Variants in CAMK4 observed in about 807,000 individuals in gnomAD.
The protein encoded by CAMK4 is calcium/calmodulin dependent protein kinase IV, also known as calcium/calmodulin-dependent protein kinase type IV.
Under a neutral mutation model 44.9 loss-of-function variants are expected in CAMK4, and 22 were observed. The observed-to-expected ratio is 0.49, with a 90% CI of 0.35 to 0.70. CAMK4 has a LOEUF of 0.70. CAMK4 is among the 30% of genes least tolerant of loss of function. The pLI is 0.01. For synonymous variants in CAMK4, 218 were observed against 215.4 expected (o/e 1.01, Z -0.11); for missense variants, 498 against 586.8 (o/e 0.85, Z 1.56).
At chr5:111,357,927 C>G (rs1404828812) in intron 2 of CAMK4, 1 of 152,012 alleles carries the variant, frequency 6.6e-6, no homozygotes. Flanking sequence ...TTCTAGAACT[C>G]AGGGCTTTTG....
chr5:111,375,895 G>A (rs1751196120), intron 3 of CAMK4, among the ~76,000 whole-genome samples: 2 of 152,044 alleles, frequency 1.3e-5, no homozygotes, highest in Admixed American at 1.3e-4. Context: ...GAAGATGGAA[G>A]GATCTCAGCT....
At chr5:111,426,668 G>A (rs1452500867) in intron 5 of CAMK4, among the ~76,000 whole-genome samples, 1 of 152,188 alleles carries the variant, frequency 6.6e-6, no homozygotes, top group Non-Finnish European at 1.5e-5. Context: ...TACCAGCATG[G>A]TAAGGAGAGC....
Position 111,486,542 on chromosome 5 carries a change from C to CATGT in CAMK4, c.*2076_*2077insATGT, listed in dbSNP as rs139004418. On this transcript the variant is annotated 3_prime_UTR_variant, in exon 11 of 11. Transcript: ENST00000282356. ...ACACACACACACACACACACACACA[C>CATGT]GTGTTGGAAGAGCAAAGAGAGGGAA... 6.0e-4 allele frequency: 89 copies of CATGT among 147,350 alleles called. 1 individual carries two copies. The highest frequency in any genetic ancestry group is 2.1e-3 in the African/African-American group (83 of 39,876). 9.1% of individuals were successfully genotyped at this position (147,350 alleles called of 1,614,324 possible).
At chr5:111,244,330 G>A (rs1040885139) in intron 1 of CAMK4, among the ~76,000 whole-genome samples, 21 of 152,014 alleles carry the variant, frequency 1.4e-4, no homozygotes, top group African/African-American at 4.8e-4. Flanking sequence ...ATTAAACATT[G>A]CAGAATATTT....
intron 1 of CAMK4, among the ~76,000 whole-genome samples, chr5:111,261,848 T>A (rs1021850767): frequency 5.3e-5 from 8 of 152,146 alleles, no homozygotes; most frequent in African/African-American, 1.9e-4. Context: ...TATGTGCCAA[T>A]CTGGGGACTA....
chr5:111,239,554 G>A (rs1290043699), intron 1 of CAMK4, among the ~76,000 whole-genome samples: 1 of 152,128 alleles, frequency 6.6e-6, no homozygotes, highest in Non-Finnish European at 1.5e-5. Flanking sequence ...TAAATGAAAA[G>A]GACAAGTTTT....
chr5:111,386,823 C>T (rs1275426931), intron 4 of CAMK4, among the ~76,000 whole-genome samples: 7 of 152,248 alleles, frequency 4.6e-5, no homozygotes, highest in Admixed American at 6.5e-5. Context: ...GTACCACCTT[C>T]GTGCTTCCTT....
chr5:111,269,280 A>C (rs1414817889), intron 1 of CAMK4, among the ~76,000 whole-genome samples: 4 of 152,170 alleles, frequency 2.6e-5, no homozygotes, highest in Non-Finnish European at 5.9e-5. Flanking sequence ...TTGACTTGAC[A>C]ATTTATGGTA....
intron 8 of CAMK4, among the ~76,000 whole-genome samples, chr5:111,476,116 G>GT (rs143715106): frequency 0.025 from 3,806 of 150,880 alleles, 158 homozygotes; most frequent in African/African-American, 0.088. Context: ...CTCTGGGGCT[G>GT]TTTTTTTTTA....
chr5:111,477,458 A>G (rs1755286632), intron 8 of CAMK4, among the ~76,000 whole-genome samples: 1 of 152,068 alleles, frequency 6.6e-6, no homozygotes, highest in East Asian at 1.9e-4. Flanking sequence ...TTTTTTTTCA[A>G]ATGGAACACA....
chr5:111,451,608 C>G (rs1416145551), intron 7 of CAMK4, among the ~76,000 whole-genome samples: 1 of 151,944 alleles, frequency 6.6e-6, no homozygotes, highest in African/African-American at 2.4e-5. Flanking sequence ...TTTTATACCT[C>G]AAAAGTATTA....
chr5:111,332,865 A>G lies in CAMK4; in HGVS notation c.162-11159A>G, dbSNP rs530448570. 2.6e-5 allele frequency among the ~76,000 whole-genome samples: 4 copies of G among 151,866 alleles called. No individual in the cohort carries two copies. In the South Asian group the frequency reaches 8.3e-4, roughly 31 times the overall value. ...GAAAAACTTAGAAGAAAGAATATTC[A>G]TTAAATTTTGGTTTGAAATAGTTAA... On this transcript the variant is annotated intron_variant, in intron 1 of 10. Coordinates refer to ENST00000282356, the MANE Select transcript of CAMK4 (RefSeq NM_001744.6).
chr5:111,313,400 AAT>A (rs1400101007), intron 1 of CAMK4, among the ~76,000 whole-genome samples: 2 of 152,126 alleles, frequency 1.3e-5, no homozygotes, highest in South Asian at 2.1e-4. Flanking sequence ...GTTACCTTTT[AAT>A]ATGTCCTTAT....
rs181274809 is a variant in CAMK4 at position 111,405,781 on chromosome 5, C to T, written c.459+10999C>T. 3.3e-5 allele frequency among the ~76,000 whole-genome samples: 5 copies of T among 152,034 alleles called. No individual in the cohort carries two copies. In the East Asian group the frequency reaches 5.8e-4, roughly 18 times the overall value. On this transcript the variant is annotated intron_variant, in intron 5 of 10. Transcript: ENST00000282356. ...ATCACCCTGATGGCAGCATGAAGTC[C>T]GAAAGCAGTGGAGAGGATATTAAAA...
intron 1 of CAMK4, among the ~76,000 whole-genome samples, chr5:111,333,246 C>T (rs1749250647): frequency 6.6e-6 from 1 of 151,572 alleles, no homozygotes; most frequent in Non-Finnish European, 1.5e-5. Context: ...TAGCTGTCTT[C>T]ATTCATGTAT....
intron 1 of CAMK4, among the ~76,000 whole-genome samples, chr5:111,264,858 A>G (rs1393576195): frequency 6.6e-6 from 1 of 152,028 alleles, no homozygotes; most frequent in Non-Finnish European, 1.5e-5. Context: ...TGTTTGCTTG[A>G]TGCTGATACT....
chr5:111,310,891 G>A (rs1009008576), intron 1 of CAMK4, among the ~76,000 whole-genome samples: 6 of 152,058 alleles, frequency 3.9e-5, no homozygotes, highest in Admixed American at 6.6e-5. Flanking sequence ...ATGATGAGTC[G>A]CTTTAGCTGT....
At chr5:111,449,065 A>G (rs953662380) in intron 6 of CAMK4, 64 bp from the exon 7 acceptor site, 3 of 740,424 alleles carry the variant, frequency 4.1e-6, no homozygotes, top group Non-Finnish European at 4.7e-6. Flanking sequence ...TTTTTGAATA[A>G]CAAATATTTT....
intron 5 of CAMK4, among the ~76,000 whole-genome samples, chr5:111,419,322 C>A (rs1430313352): frequency 4.6e-5 from 7 of 152,182 alleles, no homozygotes; most frequent in South Asian, 2.1e-4. Context: ...TGTTTGAGTT[C>A]ATTGTAGATT....
Sources: allele counts gnomAD v4.1 joint callset (sites outside exome capture counted in the v4.1 genomes callset), GRCh38; gene constraint gnomAD v4.1.1; transcripts MANE v1.5; gene names NCBI Gene and HGNC (gene_info 2026-07-23, HGNC 2026-07-21).